Variants in PDXDC1 observed in about 807,000 individuals in gnomAD.
PDXDC1 encodes pyridoxal-dependent decarboxylase domain-containing protein 1.
In PDXDC1, 42 loss-of-function variants were observed where a neutral mutation model predicts 100.1. The ratio of observed to expected loss-of-function variants is 0.42; its 90% CI spans 0.33 to 0.54. The LOEUF is 0.54. PDXDC1 is among the 20% of genes least tolerant of loss of function. PDXDC1 has a pLI of 0.10. For missense variants in PDXDC1, 636 were observed against 979.2 expected (o/e 0.65, Z 4.68); for synonymous variants, 260 against 371.7 (o/e 0.70, Z 3.46).
At chr16:15,102,315 C>G (rs1382548309) in intron 16 of PDXDC1, among the ~76,000 whole-genome samples, 32 of 151,648 alleles carry the variant, frequency 2.1e-4, no homozygotes, top group Non-Finnish European at 2.8e-4. Context: ...TCATTATAAA[C>G]CTGCCCTGAA....
At chr16:15,096,024 G>A (rs1466258562) in intron 16 of PDXDC1, among the ~76,000 whole-genome samples, 1 of 152,086 alleles carries the variant, frequency 6.6e-6, no homozygotes, top group Non-Finnish European at 1.5e-5. Context: ...GCTGCAGTGA[G>A]CTGTGATTGT....
At chr16:15,136,200 G>C in intron 16 of PDXDC1, 2 of 707,514 alleles carry the variant, frequency 2.8e-6, no homozygotes, top group Admixed American at 2.5e-5. Context: ...ACAGCAGCCC[G>C]CTGGGAGCCC....
At position 15,094,027 on chromosome 16, in the gene PDXDC1, C is replaced by G. The variant is rs1287883644; in HGVS notation, c.1400-44852C>G. The stretch of plus-strand genomic sequence containing the variant: ...TTTCTGTGAACGTGAGATGACCCTC[C>G]ACCCCGTGCTCCTATCACACGCCAT... On this transcript the variant is annotated intron_variant, in intron 16 of 16. Coordinates refer to the PDXDC1 transcript ENST00000535621. The G allele has an allele frequency of 5.5e-5, 48 of 864,970 alleles. 1 individual carries two copies. Among genetic ancestry groups the G allele is most frequent in the South Asian group, 4.9e-4 (34 of 69,266 alleles). The allele number at this position is 864,970 out of a possible 1,614,324, so 53.6% of individuals were successfully genotyped here.
intron 1 of PDXDC1, among the ~76,000 whole-genome samples, chr16:14,976,049 G>T (rs369902376): frequency 1.0e-3 from 153 of 152,376 alleles, no homozygotes; most frequent in African/African-American, 3.6e-3. Context: ...GCAGCGTGGT[G>T]TACCAGGCTG....
intron 16 of PDXDC1, among the ~76,000 whole-genome samples, chr16:15,119,411 T>A (rs2047358683): frequency 1.4e-5 from 2 of 146,026 alleles, no homozygotes; most frequent in South Asian, 2.2e-4. Flanking sequence ...AAAAAAAATT[T>A]TTTTTGTTTT....
At chr16:15,060,605 G>C (rs2044676155) in intron 16 of PDXDC1, 1 of 153,080 alleles carries the variant, frequency 6.5e-6, no homozygotes, top group African/African-American at 2.4e-5. Context: ...AAATGCTTGA[G>C]CTTCAAAATG....
At chr16:14,981,903 C>G (rs1597259739) in intron 1 of PDXDC1, among the ~76,000 whole-genome samples, 1 of 151,844 alleles carries the variant, frequency 6.6e-6, no homozygotes, top group East Asian at 1.9e-4. Flanking sequence ...GATCTTGGTT[C>G]ACTGTAACCT....
Position 15,099,996 on chromosome 16 carries a change from T to TATAG in PDXDC1, c.1400-38882_1400-38879dup, listed in dbSNP as rs538449857. 2.4e-3 allele frequency among the ~76,000 whole-genome samples: 363 copies of TATAG among 152,270 alleles called. 3 individuals carry two copies. The highest frequency in any genetic ancestry group is 8.5e-3 in the African/African-American group (352 of 41,564). On this transcript the variant is annotated intron_variant, in intron 16 of 16. Transcript: ENST00000535621. ...AGAATTTGTTCTGAGGATACAAATA[T>TATAG]ATAGTAAGGTACCAAAAAAGAATTT...
At chr16:15,133,267 G>GTTCAGGA (rs1215913832) in intron 16 of PDXDC1, 1 of 1,576,870 alleles carries the variant, frequency 6.3e-7, no homozygotes, top group Non-Finnish European at 8.6e-7. Context: ...CACTCACCTC[G>GTTCAGGA]TTCAGGACGG....
At chr16:14,978,433 A>G (rs1344875490) in intron 1 of PDXDC1, among the ~76,000 whole-genome samples, 2 of 152,308 alleles carry the variant, frequency 1.3e-5, no homozygotes, top group African/African-American at 2.4e-5. Context: ...TCTGTCACCC[A>G]GGCTGGAGAG....
At chr16:15,076,128 A>G (rs2045445097) in intron 16 of PDXDC1, among the ~76,000 whole-genome samples, 1 of 151,726 alleles carries the variant, frequency 6.6e-6, no homozygotes, top group Admixed American at 6.6e-5. Flanking sequence ...GCTCCCTGAC[A>G]CCCTCTGTCC....
At chr16:15,022,418 G>GT (rs2042274111) in intron 12 of PDXDC1, among the ~76,000 whole-genome samples, 2 of 152,416 alleles carry the variant, frequency 1.3e-5, no homozygotes, top group Admixed American at 6.5e-5. Context: ...CCTTGCACGT[G>GT]TTTATACTCA....
the PDXDC1 span, among the ~76,000 whole-genome samples, chr16:15,147,698 T>TG: frequency 6.6e-6 from 1 of 152,126 alleles, no homozygotes; most frequent in Non-Finnish European, 1.5e-5. Flanking sequence ...AGCATTTTTT[T>TG]GTTTTTTTGA....
At chr16:15,007,359 A>C (rs1389863715) in intron 6 of PDXDC1, among the ~76,000 whole-genome samples, 1 of 152,136 alleles carries the variant, frequency 6.6e-6, no homozygotes, top group Non-Finnish European at 1.5e-5. Context: ...TTTTTTTAGT[A>C]GAGATGGGGT....
intron 19 of PDXDC1, among the ~76,000 whole-genome samples, chr16:15,033,732 G>C (rs959132356): frequency 6.6e-6 from 1 of 152,192 alleles, no homozygotes; most frequent in Non-Finnish European, 1.5e-5. Context: ...CTGCTCTGGA[G>C]CTGTGTCCTG....
chr16:15,058,823 G>C (rs2044615881), intron 16 of PDXDC1, among the ~76,000 whole-genome samples: 1 of 152,126 alleles, frequency 6.6e-6, no homozygotes. Flanking sequence ...ATGTAGAGAT[G>C]GGGGTCTCAC....
At chr16:15,125,931 T>A (rs1435285219) in intron 16 of PDXDC1, 1 of 638,992 alleles carries the variant, frequency 1.6e-6, no homozygotes, top group Non-Finnish European at 2.8e-6. Context: ...CCTAGAATGC[T>A]GGATATATGG....
downstream of PDXDC1, chr16:15,039,881 AACTT>A: frequency 6.7e-6 from 5 of 745,558 alleles, no homozygotes; most frequent in South Asian, 8.0e-5. Context: ...TGACAGCATA[AACTT>A]TTCTAAGATC....
chr16:15,053,225 G>A (rs1294452957), intron 16 of PDXDC1, among the ~76,000 whole-genome samples: 1 of 152,238 alleles, frequency 6.6e-6, no homozygotes, highest in African/African-American at 2.4e-5. Context: ...TCCAATCCTG[G>A]CTTCACCACT....
Sources: allele counts gnomAD v4.1 joint callset (sites outside exome capture counted in the v4.1 genomes callset), GRCh38; gene constraint gnomAD v4.1.1; transcripts MANE v1.5; gene names NCBI Gene and HGNC (gene_info 2026-07-23, HGNC 2026-07-21).